Variants in CELF2 observed in about 807,000 individuals in gnomAD.
The protein encoded by CELF2 is CUG triplet repeat RNA-binding protein 2.
In CELF2, 8 loss-of-function variants were observed where a neutral mutation model predicts 62.6. That is an observed-to-expected ratio of 0.13 (90% CI 0.07 to 0.23). The LOEUF (loss-of-function observed/expected upper bound fraction) is 0.23, where lower values mean the gene tolerates loss of function less well. Ranked by LOEUF, CELF2 falls within the 10% of genes least tolerant of loss-of-function variation. The pLI is 1.00. For synonymous variants in CELF2, 258 were observed against 250.0 expected (o/e 1.03, Z -0.30); for missense variants, 333 against 671.0 (o/e 0.50, Z 5.56).
rs1184273203 is a variant in CELF2, at chr10:11,207,446, A to G, written c.272-9979A>G. On this transcript the variant is annotated intron_variant, in intron 2 of 12. Coordinates refer to ENST00000633077, the MANE Select transcript of CELF2 (RefSeq NM_001326342.2). The surrounding 1 kb of genome is among the most constrained non-coding windows in gnomAD (Gnocchi z 4.1). ...TCAAATGGAGAGTTGGAGGGAAGGT[A>G]TGGGGTTGCCAGGGACCCCAGTGAG... 6.6e-6 allele frequency among the ~76,000 whole-genome samples: 1 copy of G among 152,160 alleles called. No individual in the cohort carries two copies. Among genetic ancestry groups the G allele is most frequent in the African/African-American group, 2.4e-5 (1 of 41,434 alleles).
intron 1 of CELF2, among the ~76,000 whole-genome samples, chr10:10,903,998 T>A (rs1404299081): frequency 3.3e-5 from 5 of 152,174 alleles, no homozygotes; most frequent in Non-Finnish European, 4.4e-5. Context: ...CACCCAGCAC[T>A]CTGTGCCAGC....
At chr10:11,119,987 A>G (rs2057408016) in intron 1 of CELF2, among the ~76,000 whole-genome samples, 3 of 151,784 alleles carry the variant, frequency 2.0e-5, no homozygotes, top group African/African-American at 4.8e-5. Flanking sequence ...TTCCGCCACA[A>G]CCCATTTAGT....
the CELF2 span, among the ~76,000 whole-genome samples, chr10:10,784,937 A>G: frequency 1.3e-5 from 2 of 152,178 alleles, no homozygotes; most frequent in Non-Finnish European, 2.9e-5. Flanking sequence ...CAGACTTCAC[A>G]TAGGTAGGCT....
intron 2 of CELF2, chr10:10,951,744 CAGG>C (rs1166901806): frequency 6.6e-6 from 1 of 152,236 alleles, no homozygotes; most frequent in Non-Finnish European, 1.5e-5. Context: ...CTTAGAAAGA[CAGG>C]AGAAGAAATA....
the CELF2 span, among the ~76,000 whole-genome samples, chr10:10,470,300 G>A: frequency 1.3e-5 from 2 of 151,480 alleles, no homozygotes; most frequent in African/African-American, 4.8e-5. Context: ...GAGTTTATTA[G>A]TTTTACACTT....
the CELF2 span, among the ~76,000 whole-genome samples, chr10:10,754,865 C>T: frequency 0.12 from 18,843 of 152,228 alleles, 1,438 homozygotes; most frequent in East Asian, 0.29. Context: ...ATAACACCTG[C>T]ATGAATTCCT....
chr10:10,585,875 T>C, the CELF2 span, among the ~76,000 whole-genome samples: 4 of 152,312 alleles, frequency 2.6e-5, no homozygotes, highest in East Asian at 7.7e-4. Context: ...CATGACTGTT[T>C]ACATACATTG....
At chr10:10,742,820 A>T in the CELF2 span, among the ~76,000 whole-genome samples, 1 of 152,176 alleles carries the variant, frequency 6.6e-6, no homozygotes, top group African/African-American at 2.4e-5. Flanking sequence ...CTCACTAGAA[A>T]TGTGCATTAA....
the CELF2 span, among the ~76,000 whole-genome samples, chr10:10,693,620 G>A: frequency 0.023 from 3,364 of 147,906 alleles, 98 homozygotes; most frequent in African/African-American, 0.079. Context: ...GGTAGAATTC[G>A]GCTGTGAATC....
the CELF2 span, among the ~76,000 whole-genome samples, chr10:10,616,895 C>T: frequency 6.6e-6 from 1 of 151,626 alleles, no homozygotes; most frequent in Non-Finnish European, 1.5e-5. Flanking sequence ...TAGCTGGGAC[C>T]ACAGGCATGC....
intron 2 of CELF2, among the ~76,000 whole-genome samples, chr10:11,187,255 G>A (rs2075189522): frequency 6.6e-6 from 1 of 152,068 alleles, no homozygotes; most frequent in Admixed American, 6.5e-5. Flanking sequence ...TGTTCTCTTT[G>A]TGAATTGACT....
the CELF2 span, among the ~76,000 whole-genome samples, chr10:10,769,438 T>C: frequency 6.6e-6 from 1 of 152,056 alleles, no homozygotes; most frequent in South Asian, 2.1e-4. Flanking sequence ...GACTGGTAGA[T>C]CACATGGGAT....
intron 1 of CELF2, among the ~76,000 whole-genome samples, chr10:11,148,723 A>G (rs2062729995): frequency 6.6e-6 from 1 of 152,116 alleles, no homozygotes; most frequent in Non-Finnish European, 1.5e-5. Flanking sequence ...TTATTTCACC[A>G]TTATTCTTCT....
At chr10:10,733,831 C>T in the CELF2 span, among the ~76,000 whole-genome samples, 1 of 152,168 alleles carries the variant, frequency 6.6e-6, no homozygotes, top group Admixed American at 6.5e-5. Flanking sequence ...ATGGGAACTA[C>T]AATTCAAGAT....
chr10:10,978,291 A>G (rs190743656), intron 2 of CELF2, among the ~76,000 whole-genome samples: 2 of 152,018 alleles, frequency 1.3e-5, no homozygotes, highest in African/African-American at 4.8e-5. Flanking sequence ...CCTGTTTAAC[A>G]CTTTTGCTGC....
In CELF2 at chr10:11,191,211, C is replaced by G. The variant is rs10905915; in HGVS notation, c.271+25529C>G. On this transcript the variant is annotated intron_variant, in intron 2 of 12. Coordinates refer to ENST00000633077, the MANE Select transcript of CELF2 (RefSeq NM_001326342.2). The surrounding 1 kb of genome is among the most constrained non-coding windows in gnomAD (Gnocchi z 4.1). ...CACTCATGTTCATCTAGTTCTGTCCCTTTTCAGCTTTACAGAGAGGCTTCC... is the reference window on the plus strand; with the variant it reads ...CACTCATGTTCATCTAGTTCTGTCCGTTTTCAGCTTTACAGAGAGGCTTCC... Among the ~76,000 whole-genome samples the G allele has an allele frequency of 0.11, 16,680 of 152,148 alleles. 1,040 individuals carry two copies. The highest frequency in any genetic ancestry group is 0.17 in the East Asian group (893 of 5,186).
At chr10:10,582,303 A>G in the CELF2 span, among the ~76,000 whole-genome samples, 1 of 152,164 alleles carries the variant, frequency 6.6e-6, no homozygotes, top group African/African-American at 2.4e-5. Context: ...ATTTAAATAC[A>G]TTGATGAAAT....
chr10:11,022,456 A>T (rs1158408801), intron 1 of CELF2, among the ~76,000 whole-genome samples: 2 of 152,256 alleles, frequency 1.3e-5, no homozygotes, highest in East Asian at 3.9e-4. Context: ...TAAAAAGGTG[A>T]TGGGATTTTT....
chr10:10,712,720 A>G, the CELF2 span, among the ~76,000 whole-genome samples: 1 of 152,164 alleles, frequency 6.6e-6, no homozygotes, highest in South Asian at 2.1e-4. Context: ...ACTTCTACCC[A>G]TTAGTTCACT....
Sources: gnomAD v4.1 joint callset for allele counts (sites outside exome capture counted in the v4.1 genomes callset) on GRCh38, gnomAD v4.1.1 for gene constraint, Gnocchi (gnomAD v3.1) non-coding constraint, MANE v1.5 for transcripts, NCBI Gene and HGNC (gene_info 2026-07-23, HGNC 2026-07-21) for gene names.